ZNF804B: variants seen among roughly 807,000 people sequenced by gnomAD.
ZNF804B encodes the protein zinc finger 804B.
ZNF804B carries 80 observed loss-of-function variants against 101.4 expected under a neutral mutation model. That is an observed-to-expected ratio of 0.79 (90% CI 0.66 to 0.95). The LOEUF (loss-of-function observed/expected upper bound fraction) is 0.95. Ranked by LOEUF, ZNF804B falls within the 40% of genes least tolerant of loss-of-function variation. The probability of loss-of-function intolerance (pLI) is 0.00; values close to 1 mark genes in which losing one functional copy is unlikely to be tolerated. For missense variants in ZNF804B, 1,673 were observed against 1,561.9 expected, an observed-to-expected ratio of 1.07 and a Z score of -1.20; for synonymous variants, 622 against 558.8, an observed-to-expected ratio of 1.11 and a Z score of -1.59.
At chr7:88,936,202 G>T (rs544366638) in intron 1 of ZNF804B, among the ~76,000 whole-genome samples, 3 of 151,868 alleles carry the variant, frequency 2.0e-5, no homozygotes, top group African/African-American at 7.2e-5. Flanking sequence ...TAAAAGCAAT[G>T]ATGTTCCCAG....
intron 1 of ZNF804B, among the ~76,000 whole-genome samples, chr7:89,018,498 C>T (rs929716727): frequency 6.6e-6 from 1 of 151,858 alleles, no homozygotes; most frequent in Non-Finnish European, 1.5e-5. Flanking sequence ...TTATTATGTC[C>T]TTATTGGATT....
chr7:89,047,924 C>G (rs141309210), intron 1 of ZNF804B, among the ~76,000 whole-genome samples: 27 of 151,626 alleles, frequency 1.8e-4, no homozygotes, highest in Admixed American at 5.3e-4. Context: ...GGATATAGAG[C>G]CTTTTGGTTT....
chr7:88,835,139 G>T (rs1791192894), intron 1 of ZNF804B, among the ~76,000 whole-genome samples: 2 of 151,690 alleles, frequency 1.3e-5, no homozygotes, highest in Admixed American at 6.6e-5. Flanking sequence ...TTTTTTAGTG[G>T]TAATAAAATT....
chr7:89,083,686 G>A (rs750504850), intron 1 of ZNF804B, among the ~76,000 whole-genome samples: 21 of 151,516 alleles, frequency 1.4e-4, no homozygotes, highest in Non-Finnish European at 2.7e-4. Flanking sequence ...TATAACTTAA[G>A]TACAATAATA....
intron 1 of ZNF804B, among the ~76,000 whole-genome samples, chr7:89,100,513 A>G (rs1171765777): frequency 6.6e-6 from 1 of 152,164 alleles, no homozygotes; most frequent in African/African-American, 2.4e-5. Context: ...AACAATCAAC[A>G]AAGTGAAGAG....
chr7:89,143,213 A>T (rs1299169714), intron 1 of ZNF804B, among the ~76,000 whole-genome samples: 1 of 151,916 alleles, frequency 6.6e-6, no homozygotes, highest in African/African-American at 2.4e-5. Flanking sequence ...TATTATAACG[A>T]TGGTATAATG....
At chr7:89,201,518 C>T (rs1040678798) in intron 1 of ZNF804B, among the ~76,000 whole-genome samples, 1 of 151,826 alleles carries the variant, frequency 6.6e-6, no homozygotes, top group African/African-American at 2.4e-5. Context: ...CCGAGACTTC[C>T]AAGAAGCAGA....
At chr7:88,771,251 A>T (rs1205258508) in intron 1 of ZNF804B, among the ~76,000 whole-genome samples, 1 of 152,158 alleles carries the variant, frequency 6.6e-6, no homozygotes, top group Admixed American at 6.6e-5. Flanking sequence ...TTTAAATAAA[A>T]TGTGATGTAT....
chr7:89,071,105 T>C (rs1439725969), intron 1 of ZNF804B, among the ~76,000 whole-genome samples: 4 of 152,148 alleles, frequency 2.6e-5, no homozygotes, highest in African/African-American at 4.8e-5. Context: ...CATAATATTA[T>C]GTACATATTT....
intron 2 of ZNF804B, among the ~76,000 whole-genome samples, chr7:89,312,819 G>GA (rs112158486): frequency 0.06 from 5,755 of 96,276 alleles, 334 homozygotes; most frequent in African/African-American, 0.19. Flanking sequence ...ATCAAGAAAA[G>GA]AAAAAAAAAA....
chr7:89,031,299 A>G (rs1208924922), intron 1 of ZNF804B, among the ~76,000 whole-genome samples: 1 of 151,388 alleles, frequency 6.6e-6, no homozygotes, highest in Non-Finnish European at 1.5e-5. Context: ...ATACCCACCT[A>G]GACTCAATTA....
chr7:89,171,285 G>GCTTCTTCTTCTTCTTCTTCTT (rs1554373340), intron 1 of ZNF804B, among the ~76,000 whole-genome samples: 17 of 64,684 alleles, frequency 2.6e-4, no homozygotes, highest in Non-Finnish European at 4.2e-4. Flanking sequence ...TAATGCTGCT[G>GCTTCTTCTTCTTCTTCTTCTT]CTGCTTCTTC....
At chr7:89,159,904 T>C (rs1254383283) in intron 1 of ZNF804B, among the ~76,000 whole-genome samples, 2 of 152,140 alleles carry the variant, frequency 1.3e-5, no homozygotes, top group East Asian at 1.9e-4. Flanking sequence ...ACAAGGCCAC[T>C]GGAACACTTT....
chr7:88,765,801 A>G (rs1175176258), intron 1 of ZNF804B, among the ~76,000 whole-genome samples: 8 of 152,202 alleles, frequency 5.3e-5, no homozygotes, highest in African/African-American at 1.9e-4. Context: ...GGAGAGAGAA[A>G]TTAAATATTT....
intron 1 of ZNF804B, among the ~76,000 whole-genome samples, chr7:88,962,065 G>A (rs760371056): frequency 1.3e-5 from 2 of 151,202 alleles, no homozygotes; most frequent in Admixed American, 6.6e-5. Context: ...AAGCTGCCTA[G>A]TTTTATTGTC....
At chr7:88,832,169 C>A (rs945756711) in intron 1 of ZNF804B, among the ~76,000 whole-genome samples, 10 of 146,350 alleles carry the variant, frequency 6.8e-5, no homozygotes, top group Admixed American at 4.1e-4. Context: ...TATTCCTGCT[C>A]AAAAAAAAAA....
At chr7:88,817,994 G>T (rs1371520682) in intron 1 of ZNF804B, among the ~76,000 whole-genome samples, 1 of 152,118 alleles carries the variant, frequency 6.6e-6, no homozygotes. Flanking sequence ...TTTGTGAGAT[G>T]AGGCCTGTAA....
chr7:89,263,300 G>A (rs183735270), intron 2 of ZNF804B, among the ~76,000 whole-genome samples: 182 of 152,166 alleles, frequency 1.2e-3, no homozygotes, highest in Middle Eastern at 0.01. Context: ...CTGGTTCCAC[G>A]CCCTACCAGC....
intron 1 of ZNF804B, among the ~76,000 whole-genome samples, chr7:89,199,022 T>G (rs1788594220): frequency 6.6e-6 from 1 of 151,842 alleles, no homozygotes; most frequent in African/African-American, 2.4e-5. Context: ...CATGATTAAG[T>G]GTCTGGCTGA....
Sources: gnomAD v4.1 joint callset for allele counts (sites outside exome capture counted in the v4.1 genomes callset) on GRCh38, gnomAD v4.1.1 for gene constraint, MANE v1.5 for transcripts, NCBI Gene and HGNC (gene_info 2026-07-23, HGNC 2026-07-21) for gene names.